Variants in C1orf87 observed in about 807,000 individuals in gnomAD.
C1orf87 encodes the protein uncharacterized protein C1orf87.
Under a neutral mutation model 60.5 loss-of-function variants are expected in C1orf87, and 58 were observed. That is an observed-to-expected ratio of 0.96 (90% confidence interval 0.78 to 1.19). The LOEUF (loss-of-function observed/expected upper bound fraction) is 1.19, where lower values mean the gene tolerates loss of function less well. Ranked by LOEUF, C1orf87 falls within the 50% of genes most tolerant of loss-of-function variation. The probability of loss-of-function intolerance (pLI) is 0.00; values close to 1 mark genes in which losing one functional copy is unlikely to be tolerated. For synonymous variants in C1orf87, 236 were observed against 227.4 expected, an observed-to-expected ratio of 1.04 and a Z score of -0.34; for missense variants, 673 against 638.6, an observed-to-expected ratio of 1.05 and a Z score of -0.58.
intron 8 of C1orf87, among the ~76,000 whole-genome samples, chr1:60,016,479 C>T (rs1645125490): frequency 6.6e-6 from 1 of 152,182 alleles, no homozygotes; most frequent in African/African-American, 2.4e-5. Context: ...TTCTTTCCAC[C>T]TTTCAGTTAA....
intron 7 of C1orf87, among the ~76,000 whole-genome samples, chr1:60,028,847 T>G (rs1024189899): frequency 2.0e-5 from 3 of 152,148 alleles, no homozygotes; most frequent in African/African-American, 7.2e-5. Flanking sequence ...TTGCTTTTTT[T>G]TTTTCCACTC....
At chr1:60,045,427 T>C (rs771496106) in intron 3 of C1orf87, among the ~76,000 whole-genome samples, 1 of 152,194 alleles carries the variant, frequency 6.6e-6, no homozygotes, top group Non-Finnish European at 1.5e-5. Context: ...CATTTGACTA[T>C]TTTACTCATA....
intron 6 of C1orf87, among the ~76,000 whole-genome samples, chr1:60,037,452 T>C (rs1368912456): frequency 1.3e-5 from 2 of 152,192 alleles, no homozygotes; most frequent in Non-Finnish European, 2.9e-5. Context: ...GTGGCAGGCA[T>C]CTTGAAAGGG....
intron 7 of C1orf87, among the ~76,000 whole-genome samples, chr1:60,026,529 T>C (rs757523981): frequency 5.2e-5 from 7 of 134,018 alleles, no homozygotes; most frequent in Non-Finnish European, 9.6e-5. Flanking sequence ...AATAGAGAAA[T>C]GGAAGAAGGA....
At chr1:60,052,339 T>C (rs1297756378) in intron 3 of C1orf87, among the ~76,000 whole-genome samples, 2 of 57,114 alleles carry the variant, frequency 3.5e-5, no homozygotes, top group Non-Finnish European at 8.9e-5. Flanking sequence ...ACAATATGTA[T>C]TTTTTCAAAA....
At chr1:60,040,507 A>G (rs1557471531) in intron 4 of C1orf87, among the ~76,000 whole-genome samples, 1 of 152,226 alleles carries the variant, frequency 6.6e-6, no homozygotes, top group African/African-American at 2.4e-5. Flanking sequence ...TTGGAGACCC[A>G]TTGCAGCTGG....
chr1:60,048,641 C>T (rs1164386465), intron 3 of C1orf87, among the ~76,000 whole-genome samples: 2 of 151,994 alleles, frequency 1.3e-5, no homozygotes, highest in Non-Finnish European at 2.9e-5. Context: ...ACCTACAAAA[C>T]AAGACATTCA....
intron 9 of C1orf87, chr1:60,008,820 T>G: frequency 2.6e-6 from 1 of 390,838 alleles, no homozygotes; most frequent in South Asian, 1.9e-5. Context: ...AGCCTTAAAT[T>G]ATGTCGCAGT....
intron 8 of C1orf87, among the ~76,000 whole-genome samples, chr1:60,021,413 G>T (rs890979979): frequency 3.3e-5 from 5 of 152,182 alleles, no homozygotes; most frequent in Non-Finnish European, 5.9e-5. Context: ...ATGACTGGGT[G>T]CCATGAGAGA....
At chr1:60,041,559 C>G (rs1645325060) in intron 3 of C1orf87, among the ~76,000 whole-genome samples, 1 of 152,128 alleles carries the variant, frequency 6.6e-6, no homozygotes, top group African/African-American at 2.4e-5. Flanking sequence ...GAATATTATA[C>G]TCTAGGAGTA....
chr1:60,033,772 A>T (rs1177288762), intron 6 of C1orf87, 131 bp from the exon 7 acceptor site: 2 of 964,042 alleles, frequency 2.1e-6, no homozygotes, highest in East Asian at 2.5e-5. Context: ...AGGCCCTCTC[A>T]GTCTTGGGAA....
chr1:60,017,990 A>G lies in C1orf87; in HGVS notation c.1127+7411T>C, dbSNP rs1244615773. Among the ~76,000 whole-genome samples, 3 of 152,232 alleles carry G rather than the reference A, an allele frequency of 2.0e-5. No individual in the cohort carries two copies. In the East Asian group the frequency reaches 5.8e-4, roughly 29 times the overall value. The stretch of plus-strand genomic sequence containing the variant: ...TTTGGTTAGATGGGGCTAATCCCAC[A>G]TCACCATAATCCCTCCTGATGTTTT... On this transcript the variant is annotated intron_variant, in intron 8 of 11. Transcript: ENST00000371201.
chr1:60,033,242 A>G (rs1645251878), intron 7 of C1orf87, among the ~76,000 whole-genome samples: 1 of 152,226 alleles, frequency 6.6e-6, no homozygotes. Context: ...CATATTCTCT[A>G]TTATTAACAT....
intron 2 of C1orf87, among the ~76,000 whole-genome samples, chr1:60,065,779 T>C (rs564844621): frequency 5.2e-4 from 79 of 152,286 alleles, no homozygotes; most frequent in African/African-American, 1.9e-3. Flanking sequence ...AATGACAGAA[T>C]ATGGGCTTTA....
chr1:60,064,533 T>C (rs1645522230), intron 2 of C1orf87, among the ~76,000 whole-genome samples: 10 of 129,830 alleles, frequency 7.7e-5, no homozygotes. Context: ...TAAAATATGC[T>C]AATAATCATT....
intron 2 of C1orf87, among the ~76,000 whole-genome samples, chr1:60,065,028 T>TAATATATATATTTAATAATATATAA (rs1645534601): frequency 5.1e-5 from 1 of 19,794 alleles, no homozygotes; most frequent in Non-Finnish European, 1.5e-4. Context: ...TATATATATT[T>TAATATATATATTTAATAATATATAA]AATATATATA....
At chr1:60,033,670 T>G in intron 6 of C1orf87, 29 bp from the exon 7 acceptor site, 1 of 1,603,464 alleles carries the variant, frequency 6.2e-7, no homozygotes, top group Non-Finnish European at 8.5e-7. Context: ...GGGAAGGCTA[T>G]GAAAAGGTTA....
chr1:59,998,375 G>C (rs780797812), intron 10 of C1orf87, among the ~76,000 whole-genome samples: 1 of 152,184 alleles, frequency 6.6e-6, no homozygotes, highest in Non-Finnish European at 1.5e-5. Context: ...ACACATCTTA[G>C]AGTAGACCTA....
chr1:60,043,788 T>A (rs1235451715), intron 3 of C1orf87, among the ~76,000 whole-genome samples: 4 of 152,232 alleles, frequency 2.6e-5, no homozygotes, highest in Non-Finnish European at 5.9e-5. Context: ...CACACAATTT[T>A]TTTTTTTGCC....
Sources: allele counts gnomAD v4.1 joint callset (sites outside exome capture counted in the v4.1 genomes callset), GRCh38; gene constraint gnomAD v4.1.1; transcripts MANE v1.5; gene names NCBI Gene and HGNC (gene_info 2026-07-23, HGNC 2026-07-21).